The following HEATR6 variants were observed in gnomAD, a reference collection of about 807,000 sequenced individuals.
The protein encoded by HEATR6 is HEAT repeat containing 6.
HEATR6 carries 106 observed loss-of-function variants against 132.8 expected under a neutral mutation model. That is an observed-to-expected ratio of 0.80 (90% confidence interval 0.68 to 0.94). The LOEUF (loss-of-function observed/expected upper bound fraction) is 0.94, where lower values mean the gene tolerates loss of function less well. HEATR6 is among the 40% of genes least tolerant of loss of function. The pLI is 0.00. For missense variants in HEATR6, 1,339 were observed against 1,425.1 expected, an observed-to-expected ratio of 0.94 and a Z score of 0.97; for synonymous variants, 529 against 537.8, an observed-to-expected ratio of 0.98 and a Z score of 0.23.
At position 60,046,260 on chromosome 17, in the gene HEATR6, G is replaced by A. The variant is rs534534532; in HGVS notation, c.2770-31C>T. On this transcript the variant is annotated intron_variant, in intron 18 of 19. Transcript: ENST00000184956. ...AAAAATGTAAATGCTTTAGAAATCTGTTTGGCCAAAGAGATGTTTCCAAAA... is the reference window on the plus strand; with the variant it reads ...AAAAATGTAAATGCTTTAGAAATCTATTTGGCCAAAGAGATGTTTCCAAAA... 2.0e-6 allele frequency: 3 copies of A among 1,534,362 alleles called. No individual in the cohort carries two copies. In the South Asian group the frequency reaches 3.6e-5, roughly 18 times the overall value.
chr17:60,049,124 T>A (rs867232409), intron 16 of HEATR6, among the ~76,000 whole-genome samples: 3,612 of 131,110 alleles, frequency 0.028, 60 homozygotes, highest in Non-Finnish European at 0.038. Flanking sequence ...AGACAGAGAG[T>A]GTGTGTGTGT....
chr17:60,059,350 ATCT>A, intron 11 of HEATR6, 69 bp downstream of exon 11: 1 of 835,972 alleles, frequency 1.2e-6, no homozygotes, highest in East Asian at 2.6e-5. Flanking sequence ...ATATATCTAT[ATCT>A]GTATATTTTT....
In HEATR6 at chr17:60,057,111, G is replaced by A. The variant is rs767398775; in HGVS notation, c.2016C>T (p.Ser672=). Residue 672 remains serine, a synonymous_variant, in exon 12 of 20, where the codon AGC becomes AGT. Transcript: ENST00000184956. ...VLPKEDSCSG[S]DAGSAAGSTY... Reference sequence around the variant, plus strand: ...TGCTTCCTGCTGCAGAGCCAGCATCGCTACCTGAACAGGAATCCTCCTTGG... The same window carrying A: ...TGCTTCCTGCTGCAGAGCCAGCATCACTACCTGAACAGGAATCCTCCTTGG... 5.0e-6 allele frequency: 8 copies of A among 1,613,932 alleles called. No individual in the cohort carries two copies. Among genetic ancestry groups the A allele is most frequent in the East Asian group, 2.2e-5 (1 of 44,894 alleles).
rs112017918 is a variant in HEATR6 at position 60,068,897 on chromosome 17, T to C, written c.939+814A>G. ...ACAATAATATTGCATTGTAGTTGTT[T>C]ATTTATCCATCTTTGCCTTCTCCCT... On this transcript the variant is annotated intron_variant, in intron 7 of 19. Coordinates refer to ENST00000184956, the MANE Select transcript of HEATR6 (RefSeq NM_022070.5). Among the ~76,000 whole-genome samples the C allele has an allele frequency of 9.0e-3, 1,371 of 152,326 alleles. 9 individuals carry two copies. The highest frequency in any genetic ancestry group is 0.026 in the African/African-American group (1,091 of 41,566).
Position 60,043,771 on chromosome 17 carries a change from C to T in HEATR6, c.3338G>A (p.Gly1113Glu). The T allele has an allele frequency of 6.2e-7, 1 of 1,614,142 alleles. No homozygotes were observed. Among genetic ancestry groups the T allele is most frequent in the South Asian group, 1.1e-5 (1 of 91,078 alleles). ...QSYILQFLKS[G>E]AEGDDTGAPH... ...TGCTCCAGTGTCATCTCCCTCTGCT[C>T]CTGATTTTAAAAACTGTAGAATATA... Residue 1113 changes from glycine (G) to glutamate (E), a missense_variant, in exon 20 of 20, where the codon GGA becomes GAA. Gly to Glu is a moderately conservative substitution (Grantham distance 98). Coordinates refer to ENST00000184956, the MANE Select transcript of HEATR6 (RefSeq NM_022070.5).
Position 60,043,621 on chromosome 17 carries a change from G to T in HEATR6, c.3488C>A (p.Ala1163Asp), listed in dbSNP as rs1414940259. The change falls in exon 20 of 20, where the codon GCC (alanine) becomes GAC (aspartate). Residue 1163 changes from alanine (A) to aspartate (D), a missense_variant. Ala to Asp is a moderately radical substitution (Grantham distance 126). Coordinates refer to ENST00000184956, the MANE Select transcript of HEATR6 (RefSeq NM_022070.5). The stretch of plus-strand genomic sequence containing the variant: ...TGATCCAGATGAGTCAAAACAAACG[G>T]CCAGGATCTCTTCTAAAAAGCCCAT... ...AIMGFLEEIL[A>D]VCFDSSGSQG... 2 of 1,613,950 alleles carry T rather than the reference G, an allele frequency of 1.2e-6. No homozygotes were observed. The highest frequency in any genetic ancestry group is 1.7e-6 in the Non-Finnish European group (2 of 1,180,026).
At chr17:60,066,661 G>A (rs1174149425) in intron 8 of HEATR6, among the ~76,000 whole-genome samples, 1 of 152,156 alleles carries the variant, frequency 6.6e-6, no homozygotes, top group Non-Finnish European at 1.5e-5. Flanking sequence ...TTTGATATCA[G>A]GACACTGGTG....
chr17:60,076,468 A>T (rs1026701535), intron 1 of HEATR6: 6 of 444,418 alleles, frequency 1.4e-5, no homozygotes, highest in African/African-American at 1.2e-4. Context: ...CCGGAGGTCA[A>T]AGCGGGAGGA....
chr17:60,059,916 A>C lies in HEATR6; in HGVS notation c.1597T>G (p.Ser533Ala). Residue 533 changes from serine (S) to alanine (A), a missense_variant, in exon 10 of 20, where the codon TCA becomes GCA. Transcript: ENST00000184956. The stretch of plus-strand genomic sequence containing the variant: ...TTAATTATCTGAGTAACGGTCTGTG[A>C]GGATGACTCCGCCACCAAAGCTAAC... ...LLLALVAESS[S>A]QTVTQIIKCL... 6.2e-7 allele frequency: 1 copy of C among 1,613,660 alleles called. No individual in the cohort carries two copies. The highest frequency in any genetic ancestry group is 8.5e-7 in the Non-Finnish European group (1 of 1,179,682).
At position 60,043,331 on chromosome 17, in the gene HEATR6, C is replaced by A. The variant is rs1052853449; in HGVS notation, c.*232G>T. ...TGGCCTGTATTACAACCTGACTCCT[C>A]GGCTCCTGGATGCACAGGTCAGATG... On this transcript the variant is annotated 3_prime_UTR_variant, in exon 20 of 20. Coordinates refer to ENST00000184956, the MANE Select transcript of HEATR6 (RefSeq NM_022070.5). 18 of 502,154 alleles carry A rather than the reference C, an allele frequency of 3.6e-5. No individual in the cohort carries two copies. Among genetic ancestry groups the A allele is most frequent in the African/African-American group, 9.6e-5 (5 of 52,026 alleles). The allele number at this position is 502,154 out of a possible 1,614,324, so 31.1% of individuals were successfully genotyped here. A position where few individuals can be genotyped will look rare whatever the true frequency, so the allele number is the denominator to read the frequency against.
At position 60,055,164 on chromosome 17, in the gene HEATR6, C is replaced by G. The variant is rs141719472; in HGVS notation, c.2289+351G>C. Among the ~76,000 whole-genome samples the G allele has an allele frequency of 3.1e-3, 476 of 152,280 alleles. 1 individual carries two copies. The highest frequency in any genetic ancestry group is 5.4e-3 in the Non-Finnish European group (368 of 68,032). ...TGCCTTCCACCAGGATTTAAAGCTT[C>G]CTGGGGCTTCCTCAGAGGTAGATGC... On this transcript the variant is annotated intron_variant, in intron 14 of 19. Coordinates refer to ENST00000184956, the MANE Select transcript of HEATR6 (RefSeq NM_022070.5).
Position 60,046,057 on chromosome 17 carries a change from C to T in HEATR6, c.2942G>A (p.Gly981Glu). 1.9e-6 allele frequency: 3 copies of T among 1,613,948 alleles called. No individual in the cohort carries two copies. Among genetic ancestry groups the T allele is most frequent in the Non-Finnish European group, 2.5e-6 (3 of 1,179,924 alleles). Residue 981 changes from glycine (G) to glutamate (E), a missense_variant, in exon 19 of 20, where the codon GGA (glycine) becomes GAA (glutamate). Transcript: ENST00000184956. ...KVRWNACYAM[G>E]NVFKNPALPL... is the part of the protein sequence containing the mutation. ...AAGGGCAGGATTTTTAAATACATTTCCCATTGCATAACAAGCATTCCATCG... is the reference window on the plus strand; with the variant it reads ...AAGGGCAGGATTTTTAAATACATTTTCCATTGCATAACAAGCATTCCATCG...
In HEATR6 at chr17:60,072,318, T is replaced by C; in HGVS notation, c.596A>G (p.Gln199Arg). ...TTGGTAGGGCTCCTCCAAATACGGC[T>C]GTCCTGGCACACTAAACGCATACAG... ...MANLCLSVPGQPYLEEPYQNV... is the reference protein window; with the variant it reads ...MANLCLSVPGRPYLEEPYQNV... The change falls in exon 5 of 20, where the codon CAG becomes CGG. Residue 199 changes from glutamine to arginine, a missense_variant. Physicochemically the swap from Gln to Arg is conservative, Grantham distance 43. Coordinates refer to ENST00000184956, the MANE Select transcript of HEATR6 (RefSeq NM_022070.5). The C allele has an allele frequency of 1.2e-6, 2 of 1,604,832 alleles. No homozygotes were observed. The highest frequency in any genetic ancestry group is 2.2e-5 in the East Asian group (1 of 44,748).
chr17:60,070,906 C>A, intron 5 of HEATR6, 99 bp from the exon 6 acceptor site: 1 of 682,464 alleles, frequency 1.5e-6, no homozygotes. Context: ...GAGACAGTCT[C>A]TAGATGATGA....
Position 60,076,202 on chromosome 17 carries a change from C to T in HEATR6, c.255G>A (p.Leu85=). The T allele has an allele frequency of 6.2e-7, 1 of 1,610,756 alleles. No individual in the cohort carries two copies. Among genetic ancestry groups the T allele is most frequent in the South Asian group, 1.1e-5 (1 of 91,046 alleles). ...VSALLVQACR[L]VPLNQNHLVS... The stretch of plus-strand genomic sequence containing the variant: ...CAAGATGATTCTGATTAAGAGGTAC[C>T]AGTCGGCAAGCCTGGACAAGAAGAG... Residue 85 remains leucine (L), a synonymous_variant, in exon 2 of 20, where the codon CTG becomes CTA. Transcript: ENST00000184956.
At position 60,048,707 on chromosome 17, in the gene HEATR6, C is replaced by A. The variant is rs148065190; in HGVS notation, c.2548-319G>T. Among the ~76,000 whole-genome samples the A allele has an allele frequency of 4.6e-5, 7 of 151,818 alleles. No homozygotes were observed. The South Asian group carries it at 1.0e-3, about 23-fold the overall frequency. The stretch of plus-strand genomic sequence containing the variant: ...TTCTGTGCTTGGTTGATTTCCGTCT[C>A]GGGAAATAATGTTCTGAAAAAGAAA... On this transcript the variant is annotated intron_variant, in intron 16 of 19. Coordinates refer to ENST00000184956, the MANE Select transcript of HEATR6 (RefSeq NM_022070.5).
Position 60,078,807 on chromosome 17 carries a change from CCTG to C in HEATR6, c.105_107del (p.Arg36del), listed in dbSNP as rs1207773172. The C allele has an allele frequency of 6.2e-7, 1 of 1,600,790 alleles. No individual in the cohort carries two copies. On this transcript the variant is annotated inframe_deletion, in exon 1 of 20. Transcript: ENST00000184956. ...TGTCATCCGGGCGCAGGGCGCAGAGCCTGGCAGACAAGAGGCGAAACCCATTGC... is the reference window on the plus strand; with the variant it reads ...TGTCATCCGGGCGCAGGGCGCAGAGCGCAGACAAGAGGCGAAACCCATTGC...
chr17:60,056,172 C>T lies in HEATR6; in HGVS notation c.2145G>A (p.Glu715=). The T allele has an allele frequency of 1.2e-6, 2 of 1,614,128 alleles. No individual in the cohort carries two copies. The highest frequency in any genetic ancestry group is 1.7e-6 in the Non-Finnish European group (2 of 1,179,974). ...CTTCCCCCATGCACTTGCAAATCAC[C>T]TCTCCAAGCTCCATCAAGTAGGCTT... ...MTQAYLMELG[E]VICKCMGEAD... The change falls in exon 13 of 20, where the codon GAG becomes GAA. Residue 715 remains glutamate, a synonymous_variant. Transcript: ENST00000184956.
chr17:60,066,219 G>C lies in HEATR6; in HGVS notation c.1406C>G (p.Pro469Arg). 2 of 1,611,550 alleles carry C rather than the reference G, an allele frequency of 1.2e-6. No individual in the cohort carries two copies. The highest frequency in any genetic ancestry group is 2.2e-5 in the South Asian group (2 of 90,294). Residue 469 changes from proline to arginine, a missense_variant, in exon 9 of 20, where the codon CCT becomes CGT. Transcript: ENST00000184956. ...VSLMTLTLKD[P>R]SPKTRACALQ... Reference sequence around the variant, plus strand: ...TTTAAATTCTCTTACCTTTGGAGAAGGGTCTTTCAATGTAAGAGTCATCAA... The same window carrying C: ...TTTAAATTCTCTTACCTTTGGAGAACGGTCTTTCAATGTAAGAGTCATCAA...
Sources: allele counts gnomAD v4.1 joint callset (sites outside exome capture counted in the v4.1 genomes callset), GRCh38; gene constraint gnomAD v4.1.1; transcripts MANE v1.5; gene names NCBI Gene and HGNC (gene_info 2026-07-23, HGNC 2026-07-21).